The following IFFO2 variants were observed in gnomAD, a reference collection of about 807,000 sequenced individuals.
IFFO2 encodes intermediate filament family orphan 2.
In IFFO2, 19 loss-of-function variants were observed where a neutral mutation model predicts 53.5. That is an observed-to-expected ratio of 0.36 (90% CI 0.25 to 0.52). The LOEUF is 0.52. Ranked by LOEUF, IFFO2 falls within the 20% of genes least tolerant of loss-of-function variation. The pLI, the probability that IFFO2 is intolerant of heterozygous loss-of-function variation, is 0.94. For missense variants in IFFO2, 570 were observed against 727.4 expected (o/e 0.78, Z 2.49); for synonymous variants, 303 against 313.6 (o/e 0.97, Z 0.36).
At position 18,917,402 on chromosome 1, in the gene IFFO2, A is replaced by AC. The variant is rs34029112; in HGVS notation, c.964-361dup. ...TCAGAGCCAGCCAGAGAGATGGAGA[A>AC]CCCCTGACAAAGGCTATACGGCCCC... On this transcript the variant is annotated intron_variant, in intron 4 of 8. Transcript: ENST00000455833. This position sits in a 1 kb window ranked among gnomAD's most constrained non-coding sequence, Gnocchi z 5.9. Among the ~76,000 whole-genome samples, 3 of 152,116 alleles carry AC rather than the reference A, an allele frequency of 2.0e-5. No homozygotes were observed. The highest frequency in any genetic ancestry group is 7.2e-5 in the African/African-American group (3 of 41,468).
intron 1 of IFFO2, among the ~76,000 whole-genome samples, chr1:18,923,970 A>G (rs1936248576): frequency 6.6e-6 from 1 of 152,146 alleles, no homozygotes; most frequent in Admixed American, 6.5e-5. Flanking sequence ...CCCCAGGATG[A>G]GCTTGCACAA....
intron 1 of IFFO2, among the ~76,000 whole-genome samples, chr1:18,953,679 G>C (rs1488249536): frequency 6.6e-6 from 1 of 152,114 alleles, no homozygotes; most frequent in Non-Finnish European, 1.5e-5. Flanking sequence ...ATAAATGGAA[G>C]ACAAGGTGTG....
chr1:18,929,219 G>A (rs1245078710), intron 1 of IFFO2, among the ~76,000 whole-genome samples: 1 of 152,180 alleles, frequency 6.6e-6, no homozygotes, highest in Non-Finnish European at 1.5e-5. Flanking sequence ...TCTGTAAAAC[G>A]GGGATAGCAA....
At chr1:18,923,785 C>T (rs142436365) in intron 1 of IFFO2, among the ~76,000 whole-genome samples, 5 of 152,246 alleles carry the variant, frequency 3.3e-5, no homozygotes, top group Non-Finnish European at 5.9e-5. Context: ...GTTCCGCAGG[C>T]GAGGGCTGGG....
intron 1 of IFFO2, among the ~76,000 whole-genome samples, chr1:18,939,086 C>G (rs1936488577): frequency 6.6e-6 from 1 of 152,204 alleles, no homozygotes; most frequent in Admixed American, 6.5e-5. Flanking sequence ...CTCCCTGGCA[C>G]CTCTAGGGCC....
At chr1:18,955,620 G>A in intron 1 of IFFO2, 48 bp downstream of exon 1, 2 of 1,519,686 alleles carry the variant, frequency 1.3e-6, no homozygotes, top group African/African-American at 1.4e-5. Context: ...CGGCAGCCTG[G>A]ACCTGGGCGC....
chr1:18,932,118 C>A (rs1377468412), intron 1 of IFFO2, among the ~76,000 whole-genome samples: 1 of 152,220 alleles, frequency 6.6e-6, no homozygotes, highest in Non-Finnish European at 1.5e-5. Context: ...GTGGTACCAA[C>A]CACACGCTCC....
Position 18,956,270 on chromosome 1 carries a change from G to T in IFFO2, c.63C>A (p.Gly21=). Residue 21 remains glycine (G), a synonymous_variant, in exon 1 of 9, where the codon GGC becomes GGA. Coordinates refer to ENST00000455833, the MANE Select transcript of IFFO2 (RefSeq NM_001136265.2). The surrounding 1 kb of genome is among the most constrained non-coding windows in gnomAD (Gnocchi z 6.4). ...CGCCCCCGCCAGGGCAGCCCCCGCC[G>T]CCGCCGCCCGGCGGGCAGCCGAAGG... is the stretch of plus-strand genomic sequence containing the variant. ...ALAFGCPPGG[G]GGGCPGGGGG... is the part of the protein sequence containing the mutation. 1.1e-6 allele frequency: 1 copy of T among 872,808 alleles called. No individual in the cohort carries two copies. The highest frequency in any genetic ancestry group is 1.4e-6 in the Non-Finnish European group (1 of 704,768). The allele number at this position is 872,808 out of a possible 1,614,324, so 54.1% of individuals were successfully genotyped here. A position where few individuals can be genotyped will look rare whatever the true frequency, so the allele number is the denominator to read the frequency against.
In IFFO2 at chr1:18,949,829, G is replaced by A. The variant is rs148645634; in HGVS notation, c.665+5839C>T. Reference sequence around the variant, plus strand: ...TGTGAGTGTGAGTGTGCATACACGTGGGGGGAAGGGGGACCCGGGGACCCG... The same window carrying A: ...TGTGAGTGTGAGTGTGCATACACGTAGGGGGAAGGGGGACCCGGGGACCCG... On this transcript the variant is annotated intron_variant, in intron 1 of 8. Transcript: ENST00000455833. 1.0e-3 allele frequency among the ~76,000 whole-genome samples: 154 copies of A among 152,340 alleles called. No individual in the cohort carries two copies. In the Middle Eastern group the frequency reaches 0.014, roughly 13 times the overall value.
intron 1 of IFFO2, among the ~76,000 whole-genome samples, chr1:18,946,793 T>C (rs1936594501): frequency 6.6e-6 from 1 of 152,184 alleles, no homozygotes; most frequent in Non-Finnish European, 1.5e-5. Flanking sequence ...ATCTCTAAAA[T>C]GGGCTAATGA....
In IFFO2 at chr1:18,906,142, C is replaced by T. The variant is rs1434912007; in HGVS notation, c.*2419G>A. 2 of 152,238 alleles carry T rather than the reference C, an allele frequency of 1.3e-5. No homozygotes were observed. Among genetic ancestry groups the T allele is most frequent in the Admixed American group, 6.5e-5 (1 of 15,280 alleles). The allele number at this position is 152,238 out of a possible 1,614,324, so 9.4% of individuals were successfully genotyped here. On this transcript the variant is annotated 3_prime_UTR_variant, in exon 9 of 9. Transcript: ENST00000455833. ...ACTCTGGCTTTCCCTCTCCTACCCA[C>T]CTGCCCCAAGTCCTCACTCCCAAGA...
intron 1 of IFFO2, among the ~76,000 whole-genome samples, chr1:18,938,720 C>A (rs1936480980): frequency 6.6e-6 from 1 of 152,170 alleles, no homozygotes; most frequent in Non-Finnish European, 1.5e-5. Flanking sequence ...CCTAGGGAGA[C>A]CCTGCAGGGA....
Position 18,908,515 on chromosome 1 carries a change from G to A in IFFO2, c.*46C>T. 2 of 1,378,502 alleles carry A rather than the reference G, an allele frequency of 1.5e-6. No homozygotes were observed. Among genetic ancestry groups the A allele is most frequent in the Non-Finnish European group, 1.0e-6 (1 of 989,122 alleles). 85.4% of individuals were successfully genotyped at this position (1,378,502 alleles called of 1,614,324 possible). ...CTTCCTGGCCCCATGAGGAGAGGTGGCAGGGCCCCATCACCAAGACCACCA... is the reference window on the plus strand; with the variant it reads ...CTTCCTGGCCCCATGAGGAGAGGTGACAGGGCCCCATCACCAAGACCACCA... On this transcript the variant is annotated 3_prime_UTR_variant, in exon 9 of 9. Coordinates refer to ENST00000455833, the MANE Select transcript of IFFO2 (RefSeq NM_001136265.2).
chr1:18,909,350 C>T (rs946810858), intron 8 of IFFO2, among the ~76,000 whole-genome samples: 1 of 152,186 alleles, frequency 6.6e-6, no homozygotes, highest in African/African-American at 2.4e-5. Context: ...CCCGATAAGG[C>T]TGTGTGTCTT....
chr1:18,925,782 ATTGGTTGGATGGATGGATGGATTGGT>A (rs1936274970), intron 1 of IFFO2, among the ~76,000 whole-genome samples: 1 of 140,022 alleles, frequency 7.1e-6, no homozygotes. Flanking sequence ...GGATGGATGG[ATTGGTTGGATGGATGGATGGATTGGT>A]TGGATGGATG....
intron 1 of IFFO2, among the ~76,000 whole-genome samples, chr1:18,937,446 T>C (rs944525677): frequency 3.3e-5 from 5 of 152,172 alleles, no homozygotes; most frequent in Non-Finnish European, 7.4e-5. Flanking sequence ...TTCCACCTGA[T>C]GTGAACCACT....
At chr1:18,934,740 C>T (rs150346129) in intron 1 of IFFO2, among the ~76,000 whole-genome samples, 85 of 152,242 alleles carry the variant, frequency 5.6e-4, no homozygotes, top group African/African-American at 1.8e-3. Context: ...TGGTTTTTAA[C>T]GACAACGGGA....
chr1:18,918,830 A>C lies in IFFO2; in HGVS notation c.823-328T>G, dbSNP rs2100650649. ...AAAAGACAACTCCCGCTGGAGAAAG[A>C]CAGCCCTTCTTTTCCCACCGGCACA... On this transcript the variant is annotated intron_variant, in intron 3 of 8. Coordinates refer to ENST00000455833, the MANE Select transcript of IFFO2 (RefSeq NM_001136265.2). This position sits in a 1 kb window ranked among gnomAD's most constrained non-coding sequence, Gnocchi z 5.2. Among the ~76,000 whole-genome samples, 1 of 152,112 alleles carries C rather than the reference A, an allele frequency of 6.6e-6. No individual in the cohort carries two copies. The highest frequency in any genetic ancestry group is 2.4e-5 in the African/African-American group (1 of 41,474).
intron 1 of IFFO2, among the ~76,000 whole-genome samples, chr1:18,934,182 C>T (rs1936416495): frequency 6.6e-6 from 1 of 150,982 alleles, no homozygotes; most frequent in African/African-American, 2.4e-5. Flanking sequence ...ATCCCCCTGC[C>T]TCAGCCTCTG....
Sources: gnomAD v4.1 joint callset for allele counts (sites outside exome capture counted in the v4.1 genomes callset) on GRCh38, gnomAD v4.1.1 for gene constraint, Gnocchi (gnomAD v3.1) non-coding constraint, MANE v1.5 for transcripts, NCBI Gene and HGNC (gene_info 2026-07-23, HGNC 2026-07-21) for gene names.